The following GFOD1 variants were observed in gnomAD, a reference collection of about 807,000 sequenced individuals.
The protein encoded by GFOD1 is Gfo/Idh/MocA-like oxidoreductase domain containing 1, also known as glucose-fructose oxidoreductase domain-containing protein 1.
In GFOD1, 9 loss-of-function variants were observed where a neutral mutation model predicts 25.4. The observed-to-expected ratio is 0.35, with a 90% CI of 0.21 to 0.62. The LOEUF (loss-of-function observed/expected upper bound fraction) is 0.62. GFOD1 is among the 20% of genes least tolerant of loss of function. The pLI, the probability that GFOD1 is intolerant of heterozygous loss-of-function variation, is 0.72. For synonymous variants in GFOD1, 253 were observed against 245.6 expected, an observed-to-expected ratio of 1.03 and a Z score of -0.28; for missense variants, 403 against 556.9, an observed-to-expected ratio of 0.72 and a Z score of 2.78.
chr6:13,374,269 T>TGTGTGTGTGTG (rs1388428104), intron 1 of GFOD1, among the ~76,000 whole-genome samples: 1,713 of 121,616 alleles, frequency 0.014, 14 homozygotes, highest in African/African-American at 0.029. Context: ...AATATGTTTT[T>TGTGTGTGTGTG]TTTTTGTGTG....
chr6:13,445,683 T>C (rs1280381557), intron 1 of GFOD1, among the ~76,000 whole-genome samples: 1 of 152,242 alleles, frequency 6.6e-6, no homozygotes, highest in Non-Finnish European at 1.5e-5. Context: ...CAACATTTTT[T>C]CCCTTATTTC....
At position 13,487,191 on chromosome 6, in the gene GFOD1, C is replaced by A. The variant is rs1758892721; in HGVS notation, c.-301G>T. 2 of 323,644 alleles carry A rather than the reference C, an allele frequency of 6.2e-6. No individual in the cohort carries two copies. The highest frequency in any genetic ancestry group is 5.6e-6 in the Non-Finnish European group (1 of 178,450). The allele number at this position is 323,644 out of a possible 1,614,324, so 20.0% of individuals were successfully genotyped here. A position where few individuals can be genotyped will look rare whatever the true frequency, so the allele number is the denominator to read the frequency against. On this transcript the variant is annotated 5_prime_UTR_variant, in exon 1 of 2. Coordinates refer to ENST00000379287, the MANE Select transcript of GFOD1 (RefSeq NM_018988.4). The surrounding 1 kb of genome is among the most constrained non-coding windows in gnomAD (Gnocchi z 4.9). ...CGGAGGCTTCGAAGCCCCCTGGAGC[C>A]CCGGCTCAGGCTGCGCTCCCGCGGC...
intron 1 of GFOD1, among the ~76,000 whole-genome samples, chr6:13,433,559 C>T (rs2127570654): frequency 6.6e-6 from 1 of 152,264 alleles, no homozygotes; most frequent in South Asian, 2.1e-4. Flanking sequence ...GCCAAATATT[C>T]CCTGGAGGGC....
chr6:13,442,502 G>A (rs1216436674), intron 1 of GFOD1, among the ~76,000 whole-genome samples: 3 of 152,218 alleles, frequency 2.0e-5, no homozygotes, highest in Admixed American at 6.5e-5. Context: ...GGAAAAAGAT[G>A]TCATCTAGGA....
At chr6:13,421,555 A>C (rs946052829) in intron 1 of GFOD1, among the ~76,000 whole-genome samples, 1 of 133,796 alleles carries the variant, frequency 7.5e-6, no homozygotes, top group Non-Finnish European at 1.6e-5. Context: ...TCCATATTTA[A>C]AAAAAAACCA....
chr6:13,470,121 T>C (rs769010486), intron 1 of GFOD1: 19 of 1,467,872 alleles, frequency 1.3e-5, no homozygotes, highest in African/African-American at 1.4e-5. Flanking sequence ...AATACTGCAG[T>C]TGGAAAATCC....
chr6:13,478,185 G>A (rs1018267525), intron 1 of GFOD1, among the ~76,000 whole-genome samples: 1 of 152,072 alleles, frequency 6.6e-6, no homozygotes, highest in Admixed American at 6.5e-5. Flanking sequence ...TGTTGCCCAG[G>A]CTGGAGTGCA....
At chr6:13,372,210 G>A (rs528441907) in intron 1 of GFOD1, among the ~76,000 whole-genome samples, 114 of 152,350 alleles carry the variant, frequency 7.5e-4, no homozygotes, top group African/African-American at 2.6e-3. Flanking sequence ...GGAAACTTCT[G>A]ACGGGTTAGA....
chr6:13,394,787 C>T (rs1194842316), intron 1 of GFOD1, among the ~76,000 whole-genome samples: 1 of 152,084 alleles, frequency 6.6e-6, no homozygotes, highest in Non-Finnish European at 1.5e-5. Flanking sequence ...CACGTGCCAC[C>T]ATGCCCGGCT....
intron 1 of GFOD1, among the ~76,000 whole-genome samples, chr6:13,388,702 G>A (rs1280302505): frequency 6.6e-6 from 1 of 152,078 alleles, no homozygotes; most frequent in Non-Finnish European, 1.5e-5. Flanking sequence ...CACAGACATG[G>A]GCAAAGACTT....
At chr6:13,382,074 C>T (rs1177726707) in intron 1 of GFOD1, among the ~76,000 whole-genome samples, 2 of 152,100 alleles carry the variant, frequency 1.3e-5, no homozygotes, top group African/African-American at 2.4e-5. Flanking sequence ...ACACACAAAG[C>T]CAAACCCTCA....
At chr6:13,384,697 C>T (rs541760188) in intron 1 of GFOD1, among the ~76,000 whole-genome samples, 3 of 152,298 alleles carry the variant, frequency 2.0e-5, no homozygotes, top group South Asian at 2.1e-4. Flanking sequence ...GCTAACTCGC[C>T]GGTTCCACAG....
chr6:13,386,293 T>C (rs1051312189), intron 1 of GFOD1, among the ~76,000 whole-genome samples: 17 of 152,278 alleles, frequency 1.1e-4, no homozygotes, highest in African/African-American at 3.6e-4. Flanking sequence ...CTAAGGAGCC[T>C]CCTATCCGTC....
At chr6:13,419,915 C>T (rs564603500) in intron 1 of GFOD1, among the ~76,000 whole-genome samples, 1 of 152,350 alleles carries the variant, frequency 6.6e-6, no homozygotes, top group Admixed American at 6.5e-5. Flanking sequence ...CACCCCTCGC[C>T]CCTATCACTC....
intron 1 of GFOD1, among the ~76,000 whole-genome samples, chr6:13,390,899 A>C (rs1034639113): frequency 1.3e-5 from 2 of 152,228 alleles, no homozygotes; most frequent in African/African-American, 4.8e-5. Context: ...GCTACTTAGC[A>C]CAGTGCCTGG....
chr6:13,479,706 C>T (rs762369889), intron 1 of GFOD1, among the ~76,000 whole-genome samples: 1 of 152,210 alleles, frequency 6.6e-6, no homozygotes. Context: ...ATATCCTCAA[C>T]AAAATAATCG....
chr6:13,446,262 C>A (rs1216923115), intron 1 of GFOD1, among the ~76,000 whole-genome samples: 2 of 152,150 alleles, frequency 1.3e-5, no homozygotes, highest in Non-Finnish European at 2.9e-5. Context: ...ACCTTTAAAA[C>A]CTCCAAACAC....
intron 1 of GFOD1, among the ~76,000 whole-genome samples, chr6:13,460,491 T>C (rs1490942808): frequency 6.6e-6 from 1 of 152,098 alleles, no homozygotes; most frequent in Non-Finnish European, 1.5e-5. Context: ...ATAAAAAGGA[T>C]CAAGATCATG....
Position 13,447,512 on chromosome 6 carries a change from A to C in GFOD1, c.253+39126T>G, listed in dbSNP as rs573500671. On this transcript the variant is annotated intron_variant, in intron 1 of 1. Transcript: ENST00000379287. ...AACACTTTGGGAGGCTGAGGTAGGC[A>C]GATCACTTGAGGTTAGGGAGTTTGA... Among the ~76,000 whole-genome samples, 32 of 152,148 alleles carry C rather than the reference A, an allele frequency of 2.1e-4. No individual in the cohort carries two copies. In the East Asian group the frequency reaches 6.0e-3, roughly 28 times the overall value.
Sources: gnomAD v4.1 joint callset for allele counts (sites outside exome capture counted in the v4.1 genomes callset) on GRCh38, gnomAD v4.1.1 for gene constraint, Gnocchi (gnomAD v3.1) non-coding constraint, MANE v1.5 for transcripts, NCBI Gene and HGNC (gene_info 2026-07-23, HGNC 2026-07-21) for gene names.